Variants in ZNF804B observed in about 807,000 individuals in gnomAD.
ZNF804B encodes the protein zinc finger 804B.
In ZNF804B, 80 loss-of-function variants were observed where a neutral mutation model predicts 101.4. That is an observed-to-expected ratio of 0.79 (90% CI 0.66 to 0.95). The LOEUF (loss-of-function observed/expected upper bound fraction) is 0.95. Among genes scored for constraint, ZNF804B ranks in the 40% least tolerant of loss-of-function variants. The pLI, the probability that ZNF804B is intolerant of heterozygous loss-of-function variation, is 0.00. For synonymous variants in ZNF804B, 622 were observed against 558.8 expected (o/e 1.11, Z -1.59); for missense variants, 1,673 against 1,561.9 (o/e 1.07, Z -1.20).
intron 1 of ZNF804B, among the ~76,000 whole-genome samples, chr7:89,041,967 G>C (rs1789023077): frequency 6.6e-6 from 1 of 152,078 alleles, no homozygotes; most frequent in Admixed American, 6.6e-5. Context: ...CATCATATAT[G>C]ACTTAAAATA....
intron 2 of ZNF804B, among the ~76,000 whole-genome samples, chr7:89,321,015 A>G (rs1042678474): frequency 6.6e-6 from 1 of 152,214 alleles, no homozygotes; most frequent in Non-Finnish European, 1.5e-5. Context: ...AAGTATTCTT[A>G]ACATATGATT....
At chr7:89,203,691 A>T (rs1003930598) in intron 1 of ZNF804B, among the ~76,000 whole-genome samples, 70 of 152,220 alleles carry the variant, frequency 4.6e-4, no homozygotes, top group Non-Finnish European at 2.6e-4. Flanking sequence ...CACTTTTTAA[A>T]CATCTCTGGT....
intron 1 of ZNF804B, among the ~76,000 whole-genome samples, chr7:89,021,120 G>T (rs557984183): frequency 1.1e-4 from 17 of 152,290 alleles, no homozygotes; most frequent in East Asian, 3.9e-4. Flanking sequence ...CATAGAGAAA[G>T]ACTTATTTCT....
chr7:89,246,024 C>T (rs111620368), intron 2 of ZNF804B, among the ~76,000 whole-genome samples: 5 of 152,032 alleles, frequency 3.3e-5, no homozygotes, highest in African/African-American at 7.2e-5. Context: ...GACCTGAGAC[C>T]GAGAGCAGGA....
intron 2 of ZNF804B, among the ~76,000 whole-genome samples, chr7:89,286,476 G>T (rs1430763547): frequency 6.6e-6 from 1 of 152,178 alleles, no homozygotes; most frequent in Non-Finnish European, 1.5e-5. Flanking sequence ...TATTGTGCAT[G>T]ACTTCATAGG....
intron 1 of ZNF804B, among the ~76,000 whole-genome samples, chr7:88,857,598 C>T (rs950664057): frequency 6.6e-6 from 1 of 151,934 alleles, no homozygotes; most frequent in African/African-American, 2.4e-5. Context: ...CAATAACAGG[C>T]TCTGAAATTG....
rs1391582393 is a variant in ZNF804B at position 88,805,035 on chromosome 7, AGTG to A, written c.108+44955_108+44957del. 5.9e-5 allele frequency among the ~76,000 whole-genome samples: 9 copies of A among 152,258 alleles called. No homozygotes were observed. The South Asian group carries it at 6.2e-4, about 11-fold the overall frequency. On this transcript the variant is annotated intron_variant, in intron 1 of 3. Transcript: ENST00000333190. ...ATATTATAAAAGTTTCAGTGGATAA[AGTG>A]GTGTTAGAGCTATTCTGAAAGAAGT...
intron 2 of ZNF804B, among the ~76,000 whole-genome samples, chr7:89,279,288 T>A (rs200380366): frequency 6.6e-6 from 1 of 151,748 alleles, no homozygotes; most frequent in African/African-American, 2.4e-5. Context: ...ACAATCATGT[T>A]GTCTGCAAAC....
chr7:89,004,345 A>C (rs746709804), intron 1 of ZNF804B, among the ~76,000 whole-genome samples: 2 of 151,892 alleles, frequency 1.3e-5, no homozygotes, highest in Admixed American at 1.3e-4. Context: ...GAATCTCATG[A>C]ATAATTTAGT....
intron 1 of ZNF804B, among the ~76,000 whole-genome samples, chr7:88,919,724 C>T (rs548939036): frequency 2.6e-5 from 4 of 152,004 alleles, no homozygotes; most frequent in South Asian, 2.1e-4. Flanking sequence ...ACATTGTTAT[C>T]GTAGCATTTC....
intron 1 of ZNF804B, among the ~76,000 whole-genome samples, chr7:88,790,445 C>A (rs1419845680): frequency 6.6e-6 from 1 of 151,954 alleles, no homozygotes; most frequent in Non-Finnish European, 1.5e-5. Context: ...CTGACAGGCC[C>A]TAGTGGGTGT....
intron 1 of ZNF804B, among the ~76,000 whole-genome samples, chr7:89,212,676 T>C (rs1436414059): frequency 6.6e-6 from 1 of 152,188 alleles, no homozygotes; most frequent in Non-Finnish European, 1.5e-5. Context: ...TAAGAGTCTC[T>C]AGTAATTTAG....
At chr7:89,020,952 T>G (rs1001936814) in intron 1 of ZNF804B, among the ~76,000 whole-genome samples, 1 of 152,224 alleles carries the variant, frequency 6.6e-6, no homozygotes, top group African/African-American at 2.4e-5. Flanking sequence ...TCCTGGCATT[T>G]CATCTATATC....
At chr7:88,827,246 A>G (rs944500216) in intron 1 of ZNF804B, among the ~76,000 whole-genome samples, 14 of 151,880 alleles carry the variant, frequency 9.2e-5, no homozygotes, top group Non-Finnish European at 1.2e-4. Context: ...TTAAAAATAA[A>G]CTCATTAACT....
rs1554380289 is a variant in ZNF804B, at chr7:89,220,155, A to ATATACGCACATATATATGTGCGTG, written c.249+1864_249+1865insCGCACATATATATGTGCGTGTATA. 2.9e-4 allele frequency among the ~76,000 whole-genome samples: 27 copies of ATATACGCACATATATATGTGCGTG among 93,062 alleles called. 5 individuals carry two copies. The highest frequency in any genetic ancestry group is 1.2e-3 in the African/African-American group (25 of 21,174). 61.1% of individuals were successfully genotyped at this position (93,062 alleles called of 152,430 possible). A position where few individuals can be genotyped will look rare whatever the true frequency, so the allele number is the denominator to read the frequency against. ...CACATATATGTGTGTATATACATATATATATACGCACATATATATGTGTGT... is the reference window on the plus strand; with the variant it reads ...CACATATATGTGTGTATATACATATATATACGCACATATATATGTGCGTGTATATACGCACATATATATGTGTGT... On this transcript the variant is annotated intron_variant, in intron 2 of 3. Transcript: ENST00000333190.
intron 2 of ZNF804B, among the ~76,000 whole-genome samples, chr7:89,231,056 TC>T (rs1789184734): frequency 6.6e-6 from 1 of 152,074 alleles, no homozygotes; most frequent in Non-Finnish European, 1.5e-5. Context: ...TTTTTATATT[TC>T]TCTGAATATT....
At chr7:89,045,359 G>A (rs926124385) in intron 1 of ZNF804B, among the ~76,000 whole-genome samples, 1 of 152,164 alleles carries the variant, frequency 6.6e-6, no homozygotes, top group Admixed American at 6.5e-5. Context: ...TCCCACACAG[G>A]GTCCCCACTG....
At chr7:89,277,791 A>C (rs1028190619) in intron 2 of ZNF804B, among the ~76,000 whole-genome samples, 3 of 151,826 alleles carry the variant, frequency 2.0e-5, no homozygotes, top group African/African-American at 7.3e-5. Flanking sequence ...GCTACTGTTA[A>C]TAGTGCCGAA....
intron 1 of ZNF804B, among the ~76,000 whole-genome samples, chr7:89,046,664 G>A (rs983098553): frequency 2.6e-5 from 4 of 152,020 alleles, no homozygotes; most frequent in Non-Finnish European, 5.9e-5. Flanking sequence ...ATATGTTTCT[G>A]ATCTTGAAAA....
Sources: gnomAD v4.1 joint callset for allele counts (sites outside exome capture counted in the v4.1 genomes callset) on GRCh38, gnomAD v4.1.1 for gene constraint, MANE v1.5 for transcripts, NCBI Gene and HGNC (gene_info 2026-07-23, HGNC 2026-07-21) for gene names.